DHX29: variants seen among roughly 807,000 people sequenced by gnomAD.
DHX29 encodes ATP-dependent RNA helicase DHX29.
DHX29 carries 79 observed loss-of-function variants against 167.9 expected under a neutral mutation model. The ratio of observed to expected loss-of-function variants is 0.47; its 90% CI spans 0.39 to 0.57. DHX29 has a LOEUF of 0.57. Ranked by LOEUF, DHX29 falls within the 20% of genes least tolerant of loss-of-function variation. DHX29 has a pLI of 0.00. For synonymous variants in DHX29, 530 were observed against 546.0 expected (o/e 0.97, Z 0.41); for missense variants, 1,347 against 1,593.4 (o/e 0.85, Z 2.63).
At position 55,269,458 on chromosome 5, in the gene DHX29, G is replaced by C. The variant is rs1197805039; in HGVS notation, c.3249C>G (p.Gly1083=). 1 of 1,613,576 alleles carries C rather than the reference G, an allele frequency of 6.2e-7. No homozygotes were observed. The highest frequency in any genetic ancestry group is 8.5e-7 in the Non-Finnish European group (1 of 1,179,996). ...LAALPVNVKI[G]KMLIFGAIFG... Reference sequence around the variant, plus strand: ...ATATGGCACCAAAAATAAGCATCTTGCCAATCTTGACATTCACAGGTAAAG... The same window carrying C: ...ATATGGCACCAAAAATAAGCATCTTCCCAATCTTGACATTCACAGGTAAAG... Residue 1083 remains glycine (G), a synonymous_variant, in exon 21 of 27, where the codon GGC becomes GGG. Coordinates refer to ENST00000251636, the MANE Select transcript of DHX29 (RefSeq NM_019030.4).
intron 8 of DHX29, among the ~76,000 whole-genome samples, chr5:55,287,318 G>C (rs1747785586): frequency 6.6e-6 from 1 of 152,112 alleles, no homozygotes; most frequent in African/African-American, 2.4e-5. Context: ...GCATGCACCT[G>C]TAATCCCGGC....
Position 55,307,294 on chromosome 5 carries a change from G to A in DHX29, c.187+93C>T, listed in dbSNP as rs1181818817. ...GAGTGTTGGGAAATAGAAATGTTGG[G>A]CCCGAAGCTCCTCCCGGGTTCTAAG... On this transcript the variant is annotated intron_variant, in intron 1 of 26. Transcript: ENST00000251636. 4 of 1,070,784 alleles carry A rather than the reference G, an allele frequency of 3.7e-6. No homozygotes were observed. In the East Asian group the frequency reaches 1.0e-4, roughly 27 times the overall value. 66.3% of individuals were successfully genotyped at this position (1,070,784 alleles called of 1,614,324 possible).
chr5:55,292,727 T>A (rs1748113952), intron 6 of DHX29, among the ~76,000 whole-genome samples: 1 of 152,192 alleles, frequency 6.6e-6, no homozygotes, highest in South Asian at 2.1e-4. Flanking sequence ...CATTTTTTAC[T>A]ACTGAAAGAC....
chr5:55,291,830 G>A (rs183018232), intron 6 of DHX29, among the ~76,000 whole-genome samples: 10 of 152,262 alleles, frequency 6.6e-5, no homozygotes, highest in Admixed American at 3.3e-4. Flanking sequence ...AGGTCCATCC[G>A]TGTTGTAGCA....
At chr5:55,271,904 A>G (rs571180567) in intron 18 of DHX29, among the ~76,000 whole-genome samples, 183 bp downstream of exon 18, 1 of 152,300 alleles carries the variant, frequency 6.6e-6, no homozygotes, top group East Asian at 1.9e-4. Flanking sequence ...CCATGAAATG[A>G]AATTCTGACA....
intron 2 of DHX29, 21 bp from the exon 3 acceptor site, chr5:55,297,419 A>C: frequency 1.0e-6 from 1 of 961,886 alleles, no homozygotes; most frequent in Non-Finnish European, 1.7e-6. Context: ...CAAAAAGGTC[A>C]TATCATTTAG....
chr5:55,268,466 C>G (rs924983733), intron 21 of DHX29, among the ~76,000 whole-genome samples: 10 of 151,918 alleles, frequency 6.6e-5, no homozygotes, highest in African/African-American at 2.4e-4. Flanking sequence ...GTTCTGTTGC[C>G]CAGGCTGGGG....
chr5:55,298,199 C>G (rs556520844), intron 2 of DHX29, among the ~76,000 whole-genome samples: 49 of 152,084 alleles, frequency 3.2e-4, no homozygotes, highest in African/African-American at 1.2e-3. Flanking sequence ...TAAGGGCACT[C>G]TACGCAGAGA....
At chr5:55,284,414 C>T (rs992076130) in intron 10 of DHX29, among the ~76,000 whole-genome samples, 3 of 152,112 alleles carry the variant, frequency 2.0e-5, no homozygotes, top group Non-Finnish European at 2.9e-5. Flanking sequence ...ATAAAGAATC[C>T]ACAATTCTCT....
At chr5:55,302,436 T>C (rs1239441146) in intron 1 of DHX29, among the ~76,000 whole-genome samples, 2 of 151,988 alleles carry the variant, frequency 1.3e-5, no homozygotes, top group African/African-American at 2.4e-5. Context: ...CGGGGCAACA[T>C]GGTGAAACCC....
At chr5:55,296,488 G>A in intron 3 of DHX29, 139 bp from the exon 4 acceptor site, 1 of 1,143,636 alleles carries the variant, frequency 8.7e-7, no homozygotes, top group Non-Finnish European at 1.1e-6. Flanking sequence ...AGTTAAAAAT[G>A]AAATGTGTTT....
At chr5:55,270,797 C>T in intron 18 of DHX29, 91 bp from the exon 19 acceptor site, 1 of 935,932 alleles carries the variant, frequency 1.1e-6, no homozygotes, top group Non-Finnish European at 1.7e-6. Context: ...CTAAGTTAAA[C>T]ACAGGCTTAA....
At chr5:55,297,419 A>T (rs111529459) in intron 2 of DHX29, 21 bp from the exon 3 acceptor site, 1 of 961,886 alleles carries the variant, frequency 1.0e-6, no homozygotes, top group Admixed American at 1.8e-5. Context: ...CAAAAAGGTC[A>T]TATCATTTAG....
chr5:55,269,673 T>A, intron 20 of DHX29, 36 bp from the exon 21 acceptor site: 1 of 1,549,162 alleles, frequency 6.5e-7, no homozygotes. Flanking sequence ...TGGTATGAAA[T>A]CAAAGAATGA....
chr5:55,270,476 A>C lies in DHX29; in HGVS notation c.3005T>G (p.Phe1002Cys). 1 of 1,613,470 alleles carries C rather than the reference A, an allele frequency of 6.2e-7. No individual in the cohort carries two copies. Among genetic ancestry groups the C allele is most frequent in the East Asian group, 2.2e-5 (1 of 44,856 alleles). Residue 1002 changes from phenylalanine to cysteine, a missense_variant, in exon 20 of 27, where the codon TTT (phenylalanine) becomes TGT (cysteine). Transcript: ENST00000251636. ...GATTTCAGGAACAGAATAATCCATA[A>C]AGCCTTCAAATCTGAAAAATAAAGT... ...RMYTRERFEGFMDYSVPEILR... is the reference protein window; with the variant it reads ...RMYTRERFEGCMDYSVPEILR...
intron 1 of DHX29, among the ~76,000 whole-genome samples, chr5:55,302,575 C>T (rs72751773): frequency 0.01 from 1,353 of 133,828 alleles, 13 homozygotes; most frequent in Non-Finnish European, 0.016. Context: ...AGCCACTGGG[C>T]GACAGAGTGA....
At chr5:55,266,071 C>A (rs1198194604) in intron 23 of DHX29, among the ~76,000 whole-genome samples, 3 of 151,532 alleles carry the variant, frequency 2.0e-5, no homozygotes, top group Non-Finnish European at 4.4e-5. Context: ...GCGATCTTGG[C>A]TCATTGCAAC....
rs538666607 is a variant in DHX29 at position 55,258,760 on chromosome 5, C to T, written c.4057+1088G>A. 1.3e-4 allele frequency among the ~76,000 whole-genome samples: 20 copies of T among 152,076 alleles called. 1 individual carries two copies. Among genetic ancestry groups the T allele is most frequent in the Non-Finnish European group, 1.6e-4 (11 of 67,994 alleles). ...TAGAGATGGCATCTCCCTATGTTAC[C>T]GAGGCTAGTCTTGAACTCCTGGCCT... On this transcript the variant is annotated intron_variant, in intron 26 of 26. Transcript: ENST00000251636.
At chr5:55,270,219 C>CTA (rs1024347221) in intron 20 of DHX29, among the ~76,000 whole-genome samples, 193 bp downstream of exon 20, 7 of 152,068 alleles carry the variant, frequency 4.6e-5, no homozygotes, top group African/African-American at 1.4e-4. Flanking sequence ...GTATTTTAAT[C>CTA]TATAAAGTGT....
Sources: allele counts gnomAD v4.1 joint callset (sites outside exome capture counted in the v4.1 genomes callset), GRCh38; gene constraint gnomAD v4.1.1; transcripts MANE v1.5; gene names NCBI Gene and HGNC (gene_info 2026-07-23, HGNC 2026-07-21).